SPRED1: variants seen among roughly 807,000 people sequenced by gnomAD.
SPRED1 encodes sprouty related EVH1 domain containing 1, also known as sprouty-related, EVH1 domain-containing protein 1.
In SPRED1, 18 loss-of-function variants were observed where a neutral mutation model predicts 52.3. The ratio of observed to expected loss-of-function variants is 0.34; its 90% CI spans 0.24 to 0.51. SPRED1 has a LOEUF of 0.51. SPRED1 is among the 20% of genes least tolerant of loss of function. The pLI is 0.97. For missense variants in SPRED1, 485 were observed against 551.0 expected (o/e 0.88, Z 1.20); for synonymous variants, 155 against 179.7 (o/e 0.86, Z 1.10).
intron 1 of SPRED1, among the ~76,000 whole-genome samples, chr15:38,266,773 A>G (rs8035425): frequency 0.65 from 99,420 of 151,904 alleles, 33,703 homozygotes; most frequent in Non-Finnish European, 0.75. Flanking sequence ...AGTTTTCCTT[A>G]GCAATGTTTC....
intron 4 of SPRED1, among the ~76,000 whole-genome samples, chr15:38,325,451 T>A (rs1412520586): frequency 7.9e-6 from 1 of 127,312 alleles, no homozygotes; most frequent in Non-Finnish European, 1.9e-5. Flanking sequence ...GTTTCTGGGG[T>A]TTTTTTTTTC....
chr15:38,278,650 C>A (rs1199356132), intron 1 of SPRED1, among the ~76,000 whole-genome samples: 2 of 151,756 alleles, frequency 1.3e-5, no homozygotes, highest in African/African-American at 4.8e-5. Context: ...ATAGTATTTG[C>A]GTATAATCTA....
chr15:38,266,302 ATTAAC>A (rs1894304932), intron 1 of SPRED1, among the ~76,000 whole-genome samples: 1 of 152,178 alleles, frequency 6.6e-6, no homozygotes, highest in Admixed American at 6.5e-5. Context: ...ATCAAACTTA[ATTAAC>A]TTAGTAACAG....
At chr15:38,301,950 TC>T (rs1895157256) in intron 2 of SPRED1, among the ~76,000 whole-genome samples, 1 of 152,032 alleles carries the variant, frequency 6.6e-6, no homozygotes, top group African/African-American at 2.4e-5. Flanking sequence ...ATGGTAGCTT[TC>T]CTTTAAAAGC....
intron 6 of SPRED1, among the ~76,000 whole-genome samples, chr15:38,350,409 C>T (rs1888456722): frequency 6.6e-6 from 1 of 152,174 alleles, no homozygotes; most frequent in African/African-American, 2.4e-5. Context: ...ACTTAGTCAC[C>T]TCTTAAAAGG....
At chr15:38,296,764 G>A (rs1414124253) in intron 1 of SPRED1, among the ~76,000 whole-genome samples, 1 of 152,094 alleles carries the variant, frequency 6.6e-6, no homozygotes, top group African/African-American at 2.4e-5. Context: ...TTCTACATTA[G>A]TAGTTGCTGT....
intron 1 of SPRED1, among the ~76,000 whole-genome samples, chr15:38,264,507 A>T (rs941846183): frequency 1.3e-5 from 2 of 152,188 alleles, no homozygotes; most frequent in African/African-American, 2.4e-5. Context: ...ATGTGAGGGA[A>T]GATTAAAGTA....
At position 38,252,844 on chromosome 15, in the gene SPRED1, C is replaced by G. The variant is rs1057144237; in HGVS notation, c.-342C>G. 5.1e-6 allele frequency: 2 copies of G among 393,898 alleles called. No individual in the cohort carries two copies. The highest frequency in any genetic ancestry group is 4.2e-5 in the African/African-American group (2 of 47,322). 24.4% of individuals were successfully genotyped at this position (393,898 alleles called of 1,614,324 possible). A position where few individuals can be genotyped will look rare whatever the true frequency, so the allele number is the denominator to read the frequency against. On this transcript the variant is annotated 5_prime_UTR_variant, in exon 1 of 7. Transcript: ENST00000299084. ...CTTCCTGGCCGGACCCCGCTGCGCTCCACCCCAGTGGCTGGAGGAGCAGCT... is the reference window on the plus strand; with the variant it reads ...CTTCCTGGCCGGACCCCGCTGCGCTGCACCCCAGTGGCTGGAGGAGCAGCT...
intron 1 of SPRED1, among the ~76,000 whole-genome samples, chr15:38,255,971 C>A (rs929578381): frequency 4.0e-5 from 6 of 149,034 alleles, no homozygotes; most frequent in Admixed American, 2.7e-4. Context: ...CCAGTAGGGC[C>A]TCATTCTGAA....
intron 3 of SPRED1, among the ~76,000 whole-genome samples, chr15:38,323,192 CA>C (rs1391253264): frequency 6.6e-6 from 1 of 151,994 alleles, no homozygotes; most frequent in Non-Finnish European, 1.5e-5. Context: ...AATCTGAAAA[CA>C]TAAACTGTGA....
chr15:38,322,550 C>A, intron 3 of SPRED1, 141 bp downstream of exon 3: 2 of 742,804 alleles, frequency 2.7e-6, no homozygotes, highest in Non-Finnish European at 2.2e-6. Flanking sequence ...TGAAACCTCA[C>A]AATAGATGAA....
At chr15:38,344,307 G>C (rs186006224) in intron 5 of SPRED1, among the ~76,000 whole-genome samples, 10 of 152,290 alleles carry the variant, frequency 6.6e-5, no homozygotes, top group African/African-American at 1.9e-4. Flanking sequence ...GGGATGTTAT[G>C]ATATACCAGT....
intron 1 of SPRED1, among the ~76,000 whole-genome samples, chr15:38,286,248 A>AAG (rs374740327): frequency 2.0e-5 from 3 of 150,170 alleles, no homozygotes; most frequent in South Asian, 2.1e-4. Flanking sequence ...AAAAAAAAAA[A>AAG]GTTTTGCAGA....
intron 1 of SPRED1, chr15:38,283,651 T>G: frequency 2.0e-5 from 6 of 302,322 alleles, no homozygotes; most frequent in Non-Finnish European, 2.9e-5. Context: ...GAGAGTGTGA[T>G]ATGAGTGGCT....
intron 1 of SPRED1, among the ~76,000 whole-genome samples, chr15:38,276,524 C>T (rs955331019): frequency 1.3e-5 from 2 of 152,024 alleles, no homozygotes; most frequent in African/African-American, 4.8e-5. Context: ...TATGTTGTTG[C>T]GTTTAATTCT....
chr15:38,262,331 G>T (rs1442121742), intron 1 of SPRED1, among the ~76,000 whole-genome samples: 1 of 152,176 alleles, frequency 6.6e-6, no homozygotes, highest in Non-Finnish European at 1.5e-5. Context: ...AATGTGATGG[G>T]TGTTCTGGTT....
At chr15:38,280,441 A>G (rs1894663233) in intron 1 of SPRED1, among the ~76,000 whole-genome samples, 1 of 152,188 alleles carries the variant, frequency 6.6e-6, no homozygotes, top group Non-Finnish European at 1.5e-5. Context: ...AAAAATACAG[A>G]AAGGTACAGA....
At chr15:38,321,332 C>A (rs986200657) in intron 2 of SPRED1, among the ~76,000 whole-genome samples, 1 of 151,954 alleles carries the variant, frequency 6.6e-6, no homozygotes, top group Non-Finnish European at 1.5e-5. Context: ...AATTTAAAAA[C>A]CAAGGGTATA....
intron 5 of SPRED1, among the ~76,000 whole-genome samples, chr15:38,348,263 T>A (rs1403489820): frequency 6.6e-6 from 1 of 152,064 alleles, no homozygotes; most frequent in Non-Finnish European, 1.5e-5. Flanking sequence ...GCATTTCCTT[T>A]CATGCCTTCC....
Sources: allele counts gnomAD v4.1 joint callset (sites outside exome capture counted in the v4.1 genomes callset), GRCh38; gene constraint gnomAD v4.1.1; transcripts MANE v1.5; gene names NCBI Gene and HGNC (gene_info 2026-07-23, HGNC 2026-07-21).